KCNH1: variants seen among roughly 807,000 people sequenced by gnomAD.
The protein encoded by KCNH1 is potassium voltage-gated channel subfamily H member 1.
A neutral mutation model predicts 69.2 loss-of-function variants in KCNH1; 27 were observed. The observed-to-expected ratio is 0.39, with a 90% CI of 0.29 to 0.54. KCNH1 has a LOEUF of 0.54. Among genes scored for constraint, KCNH1 ranks in the 20% least tolerant of loss-of-function variants. The pLI is 0.68. For missense variants in KCNH1, 798 were observed against 1,261.6 expected (o/e 0.63, Z 5.57); for synonymous variants, 456 against 487.7 (o/e 0.93, Z 0.86).
In KCNH1 at chr1:210,679,509, T is replaced by A. The variant is rs1363117001; in HGVS notation, c.*3772A>T. ...TAGTGGTCAGTGCAACAAGGGGAAATGAGAATCTTCCTATACCTAGTCTTC... is the reference window on the plus strand; with the variant it reads ...TAGTGGTCAGTGCAACAAGGGGAAAAGAGAATCTTCCTATACCTAGTCTTC... On this transcript the variant is annotated 3_prime_UTR_variant, in exon 11 of 11. Transcript: ENST00000271751. The A allele has an allele frequency of 6.6e-6, 1 of 152,124 alleles. No individual in the cohort carries two copies. Among genetic ancestry groups the A allele is most frequent in the African/African-American group, 2.4e-5 (1 of 41,406 alleles). The allele number at this position is 152,124 out of a possible 1,614,324, so 9.4% of individuals were successfully genotyped here.
At chr1:211,007,658 C>T (rs752743534) in intron 6 of KCNH1, among the ~76,000 whole-genome samples, 1 of 152,178 alleles carries the variant, frequency 6.6e-6, no homozygotes, top group African/African-American at 2.4e-5. Context: ...ATGAGTCCTG[C>T]AAGGCCCTTC....
At chr1:210,876,711 G>A (rs1284125396) in intron 7 of KCNH1, among the ~76,000 whole-genome samples, 1 of 152,076 alleles carries the variant, frequency 6.6e-6, no homozygotes, top group Admixed American at 6.6e-5. Context: ...GAGGAAACCA[G>A]TGCAATCCCT....
intron 10 of KCNH1, among the ~76,000 whole-genome samples, chr1:210,763,767 G>A (rs1574241551): frequency 6.6e-6 from 1 of 152,002 alleles, no homozygotes; most frequent in Non-Finnish European, 1.5e-5. Context: ...GGAAGAATCA[G>A]CATCATTAAA....
intron 3 of KCNH1, among the ~76,000 whole-genome samples, chr1:211,092,270 G>T (rs1406541709): frequency 6.6e-6 from 1 of 152,066 alleles, no homozygotes; most frequent in Non-Finnish European, 1.5e-5. Flanking sequence ...TAAACACCAG[G>T]GACAGACAGA....
intron 5 of KCNH1, among the ~76,000 whole-genome samples, chr1:211,060,400 C>CAAAAAAAA (rs60620622): frequency 2.7e-4 from 12 of 44,320 alleles, no homozygotes; most frequent in East Asian, 1.7e-3. Flanking sequence ...GACTCCGTCT[C>CAAAAAAAA]AAAAAAAAAA....
chr1:210,757,684 G>C (rs911388591), intron 10 of KCNH1, among the ~76,000 whole-genome samples: 4 of 152,190 alleles, frequency 2.6e-5, no homozygotes, highest in Non-Finnish European at 4.4e-5. Flanking sequence ...AGACTTTTAT[G>C]CTACCTCAGT....
intron 7 of KCNH1, among the ~76,000 whole-genome samples, chr1:210,837,276 C>A (rs1185279877): frequency 6.6e-6 from 1 of 152,150 alleles, no homozygotes; most frequent in African/African-American, 2.4e-5. Context: ...AGCCACCCTT[C>A]CCCTGTGTTC....
chr1:210,684,502 T>G (rs1179749893), intron 10 of KCNH1, among the ~76,000 whole-genome samples: 1 of 152,210 alleles, frequency 6.6e-6, no homozygotes, highest in Non-Finnish European at 1.5e-5. Flanking sequence ...TCCATCCTTG[T>G]CTGCAATTCA....
intron 10 of KCNH1, among the ~76,000 whole-genome samples, chr1:210,763,686 A>C (rs1317612363): frequency 6.6e-6 from 1 of 152,168 alleles, no homozygotes; most frequent in Non-Finnish European, 1.5e-5. Flanking sequence ...TCCTGGAAGA[A>C]CTATTAAGCA....
At chr1:210,861,960 C>G (rs781543561) in intron 7 of KCNH1, 19 of 760,090 alleles carry the variant, frequency 2.5e-5, no homozygotes, top group Non-Finnish European at 4.1e-5. Flanking sequence ...ATGTAGTAAG[C>G]TGTACCCTGA....
rs773284457 is a variant in KCNH1 at position 211,018,900 on chromosome 1, T to G, written c.915A>C (p.Pro305=). The change falls in exon 6 of 11, where the codon CCA becomes CCC. Residue 305 remains proline, a synonymous_variant. Transcript: ENST00000271751. ...WFVIDLLSCL[P]YDVINAFENV... ...TCTCAAAAGCGTTGATGACATCATATGGCAAACAGGACAGAAGGTCAATCA... is the reference window on the plus strand; with the variant it reads ...TCTCAAAAGCGTTGATGACATCATAGGGCAAACAGGACAGAAGGTCAATCA... The G allele has an allele frequency of 6.2e-7, 1 of 1,614,020 alleles. No homozygotes were observed. Among genetic ancestry groups the G allele is most frequent in the Non-Finnish European group, 8.5e-7 (1 of 1,179,968 alleles).
At chr1:210,825,085 T>C (rs1049586764) in intron 7 of KCNH1, among the ~76,000 whole-genome samples, 1 of 152,222 alleles carries the variant, frequency 6.6e-6, no homozygotes, top group African/African-American at 2.4e-5. Context: ...CAACAAATAC[T>C]TTCCATTGTT....
chr1:210,760,561 C>T lies in KCNH1; in HGVS notation c.2112+14787G>A, dbSNP rs545054102. Among the ~76,000 whole-genome samples the T allele has an allele frequency of 3.3e-5, 5 of 152,256 alleles. No individual in the cohort carries two copies. The East Asian group carries it at 5.8e-4, about 18-fold the overall frequency. ...AAGGAGTCCTAAACATGGAAACAAA[C>T]GAATGTGTATTTGTCTGTTTTCATG... is the stretch of plus-strand genomic sequence containing the variant. On this transcript the variant is annotated intron_variant, in intron 10 of 10. Transcript: ENST00000271751.
intron 7 of KCNH1, among the ~76,000 whole-genome samples, chr1:210,884,061 T>A (rs535125008): frequency 2.1e-4 from 32 of 152,234 alleles, no homozygotes; most frequent in African/African-American, 7.5e-4. Flanking sequence ...TCAGATCTAG[T>A]GAGACGCATG....
chr1:210,873,491 G>T (rs1035879813), intron 7 of KCNH1, among the ~76,000 whole-genome samples: 2 of 152,088 alleles, frequency 1.3e-5, no homozygotes, highest in Non-Finnish European at 2.9e-5. Flanking sequence ...GGGACTACAG[G>T]TGCATGCCAC....
At chr1:210,772,448 C>T (rs150734301) in intron 10 of KCNH1, among the ~76,000 whole-genome samples, 8 of 151,116 alleles carry the variant, frequency 5.3e-5, no homozygotes, top group African/African-American at 1.7e-4. Flanking sequence ...TACGTAACTA[C>T]GAATTAATTC....
Position 211,025,043 on chromosome 1 carries a change from CTT to C in KCNH1, c.559-5789_559-5788del, listed in dbSNP as rs1689660805. ...TAACTCAGGCTTTTAAGGAAGCAGA[CTT>C]AGTGCAGGAAGAAGTACAGAGAAGG... On this transcript the variant is annotated intron_variant, in intron 5 of 10. Transcript: ENST00000271751. Among the ~76,000 whole-genome samples the C allele has an allele frequency of 5.9e-5, 9 of 152,276 alleles. No homozygotes were observed. In the South Asian group the frequency reaches 1.9e-3, roughly 32 times the overall value.
chr1:210,800,666 G>C (rs1684409754), intron 8 of KCNH1, among the ~76,000 whole-genome samples: 2 of 152,106 alleles, frequency 1.3e-5, no homozygotes, highest in South Asian at 4.1e-4. Context: ...TCCTCTCTCT[G>C]AGTGCAGTGG....
intron 10 of KCNH1, among the ~76,000 whole-genome samples, chr1:210,749,830 C>G (rs545901602): frequency 6.6e-6 from 1 of 151,006 alleles, no homozygotes; most frequent in African/African-American, 2.4e-5. Flanking sequence ...GCGGCCTCCT[C>G]CTCCCAGGTT....
Sources: allele counts gnomAD v4.1 joint callset (sites outside exome capture counted in the v4.1 genomes callset), GRCh38; gene constraint gnomAD v4.1.1; transcripts MANE v1.5; gene names NCBI Gene and HGNC (gene_info 2026-07-23, HGNC 2026-07-21).